The following KIF13B variants were observed in gnomAD, a reference collection of about 807,000 sequenced individuals.
The protein encoded by KIF13B is kinesin family member 13B.
In KIF13B, 127 loss-of-function variants were observed where a neutral mutation model predicts 222.0. That is an observed-to-expected ratio of 0.57 (90% confidence interval 0.50 to 0.66). The LOEUF (loss-of-function observed/expected upper bound fraction) is 0.66, where lower values mean the gene tolerates loss of function less well. Ranked by LOEUF, KIF13B falls within the 30% of genes least tolerant of loss-of-function variation. KIF13B has a pLI of 0.00. For missense variants in KIF13B, 2,173 were observed against 2,379.0 expected (o/e 0.91, Z 1.80); for synonymous variants, 976 against 919.0 (o/e 1.06, Z -1.12).
At chr8:29,241,892 G>T (rs374847008) in intron 2 of KIF13B, among the ~76,000 whole-genome samples, 1 of 152,118 alleles carries the variant, frequency 6.6e-6, no homozygotes, top group East Asian at 1.9e-4. Context: ...AAGAAAAAAA[G>T]TATGTTCGAG....
At chr8:29,255,848 T>A (rs1033435598) in intron 1 of KIF13B, among the ~76,000 whole-genome samples, 39 of 151,954 alleles carry the variant, frequency 2.6e-4, no homozygotes, top group African/African-American at 9.0e-4. Context: ...CACCTTTCAC[T>A]CTTTTGACAC....
intron 2 of KIF13B, among the ~76,000 whole-genome samples, chr8:29,234,650 T>C (rs1489648772): frequency 4.9e-5 from 7 of 141,494 alleles, no homozygotes; most frequent in Non-Finnish European, 1.1e-4. Context: ...AATGGTTAAA[T>C]GATTAATTTT....
chr8:29,151,730 A>G (rs1811304804), intron 14 of KIF13B, among the ~76,000 whole-genome samples: 1 of 152,186 alleles, frequency 6.6e-6, no homozygotes, highest in African/African-American at 2.4e-5. Context: ...CTCATTGATA[A>G]TGCACCTGAT....
chr8:29,187,229 T>C (rs568812453), intron 5 of KIF13B, among the ~76,000 whole-genome samples: 73 of 152,276 alleles, frequency 4.8e-4, no homozygotes, highest in Admixed American at 1.4e-3. Context: ...TTTTTTCTTA[T>C]ATAAAATTAT....
intron 10 of KIF13B, among the ~76,000 whole-genome samples, chr8:29,170,204 T>C (rs1292491583): frequency 6.6e-6 from 1 of 152,220 alleles, no homozygotes; most frequent in Non-Finnish European, 1.5e-5. Flanking sequence ...CAACAGCAAA[T>C]TAAATAGTCA....
chr8:29,085,841 G>C (rs1808027454), intron 37 of KIF13B, among the ~76,000 whole-genome samples: 1 of 83,326 alleles, frequency 1.2e-5, no homozygotes, highest in African/African-American at 5.7e-5. Context: ...CAGAACAAGA[G>C]CCCGTAACAA....
chr8:29,177,577 G>A lies in KIF13B; in HGVS notation c.722C>T (p.Thr241Ile). Residue 241 changes from threonine to isoleucine, a missense_variant and splice_region_variant, in exon 9 of 40, where the codon ACA becomes ATA. Physicochemically the swap from Thr to Ile is moderately conservative, Grantham distance 89 (BLOSUM62 -1). Transcript: ENST00000524189. ...THTLYDVKSGTSGEKVGKLSL... is the reference protein window; with the variant it reads ...THTLYDVKSGISGEKVGKLSL... The stretch of plus-strand genomic sequence containing the variant: ...GAGTTTGCCCACTTTCTCTCCAGAT[G>A]TCTACAAAGGAAATCAATCAATACT... 1 of 1,601,856 alleles carries A rather than the reference G, an allele frequency of 6.2e-7. No individual in the cohort carries two copies. The highest frequency in any genetic ancestry group is 8.6e-7 in the Non-Finnish European group (1 of 1,168,932).
intron 12 of KIF13B, among the ~76,000 whole-genome samples, chr8:29,162,392 G>T (rs569702612): frequency 6.6e-6 from 1 of 152,156 alleles, no homozygotes; most frequent in East Asian, 1.9e-4. Context: ...TTTTGGTCCT[G>T]GGTCTTCAAA....
At chr8:29,185,947 T>C (rs1812906524) in intron 6 of KIF13B, among the ~76,000 whole-genome samples, 1 of 152,240 alleles carries the variant, frequency 6.6e-6, no homozygotes, top group Non-Finnish European at 1.5e-5. Context: ...TTTACAAGTC[T>C]GTGCCATGAA....
intron 35 of KIF13B, among the ~76,000 whole-genome samples, chr8:29,105,981 G>C (rs1809049364): frequency 6.6e-6 from 1 of 151,998 alleles, no homozygotes; most frequent in African/African-American, 2.4e-5. Flanking sequence ...GAAGAATTTT[G>C]GCCACTTCTT....
intron 37 of KIF13B, among the ~76,000 whole-genome samples, chr8:29,078,465 T>C (rs1182297472): frequency 6.6e-6 from 1 of 152,156 alleles, no homozygotes; most frequent in African/African-American, 2.4e-5. Flanking sequence ...CATAACCGTG[T>C]GCTCATCCTT....
At chr8:29,107,983 A>C (rs1809173178) in intron 35 of KIF13B, among the ~76,000 whole-genome samples, 156 bp downstream of exon 35, 1 of 152,252 alleles carries the variant, frequency 6.6e-6, no homozygotes, top group Admixed American at 6.5e-5. Flanking sequence ...TGGCAAATTA[A>C]AAGAAATGAA....
chr8:29,222,745 G>A (rs542310816), intron 2 of KIF13B, among the ~76,000 whole-genome samples: 13 of 151,710 alleles, frequency 8.6e-5, no homozygotes, highest in Admixed American at 2.0e-4. Flanking sequence ...CAAAGACTTC[G>A]CCATAACTTT....
intron 35 of KIF13B, among the ~76,000 whole-genome samples, chr8:29,101,525 G>T (rs1184067660): frequency 6.6e-6 from 1 of 152,034 alleles, no homozygotes; most frequent in African/African-American, 2.4e-5. Flanking sequence ...ATGGCTTCAG[G>T]GGCAGTTCTT....
chr8:29,145,771 T>C (rs1811032021), intron 18 of KIF13B: 1 of 144,974 alleles, frequency 6.9e-6, no homozygotes, highest in African/African-American at 2.6e-5. Flanking sequence ...TCAAAAATTA[T>C]GTATGAATGT....
chr8:29,078,127 C>CGAAAAAA (rs1807648108), intron 37 of KIF13B, among the ~76,000 whole-genome samples: 1 of 74,306 alleles, frequency 1.3e-5, no homozygotes, highest in Non-Finnish European at 2.5e-5. Flanking sequence ...TACTAAAATC[C>CGAAAAAA]AAAAAAAAAA....
chr8:29,257,330 C>T (rs1586996863), intron 1 of KIF13B, among the ~76,000 whole-genome samples: 2 of 150,264 alleles, frequency 1.3e-5, no homozygotes, highest in South Asian at 2.1e-4. Context: ...TCATCTTGGT[C>T]GAGTTTTTGT....
rs150465731 is a variant in KIF13B at position 29,161,539 on chromosome 8, T to C, written c.1270-672A>G. ...GGTGAAACCCCATCTCTACTAAAAATATAAAAATTAGCCAGCTGTGGCAGC... is the reference window on the plus strand; with the variant it reads ...GGTGAAACCCCATCTCTACTAAAAACATAAAAATTAGCCAGCTGTGGCAGC... On this transcript the variant is annotated intron_variant, in intron 12 of 39. Coordinates refer to ENST00000524189, the MANE Select transcript of KIF13B (RefSeq NM_015254.4). Among the ~76,000 whole-genome samples the C allele has an allele frequency of 6.3e-3, 961 of 152,000 alleles. 10 individuals carry two copies. Among genetic ancestry groups the C allele is most frequent in the African/African-American group, 0.022 (931 of 41,468 alleles).
Position 29,071,756 on chromosome 8 carries a change from A to G in KIF13B, c.5082T>C (p.Ala1694=). 1 of 1,549,580 alleles carries G rather than the reference A, an allele frequency of 6.5e-7. No individual in the cohort carries two copies. Among genetic ancestry groups the G allele is most frequent in the South Asian group, 1.2e-5 (1 of 84,052 alleles). Residue 1694 remains alanine (A), a synonymous_variant, in exon 39 of 40, where the codon GCT becomes GCC. Coordinates refer to ENST00000524189, the MANE Select transcript of KIF13B (RefSeq NM_015254.4). This position sits in a 1 kb window ranked among gnomAD's most constrained non-coding sequence, Gnocchi z 4.9. ...CTCGGAGCCACTCCGGGACCTCGTC[A>G]GCTTCCTCGGAATCAGAGGCCAGGG... is the stretch of plus-strand genomic sequence containing the variant. ...GQALASDSEE[A]DEVPEWLREG...
Sources: allele counts gnomAD v4.1 joint callset (sites outside exome capture counted in the v4.1 genomes callset), GRCh38; gene constraint gnomAD v4.1.1; non-coding constraint Gnocchi (gnomAD v3.1); transcripts MANE v1.5; gene names NCBI Gene and HGNC (gene_info 2026-07-23, HGNC 2026-07-21).